Variants in TGFB2 observed in about 807,000 individuals in gnomAD.
TGFB2 encodes transforming growth factor beta 2.
In TGFB2, 13 loss-of-function variants were observed where a neutral mutation model predicts 42.7. The ratio of observed to expected loss-of-function variants is 0.30; its 90% CI spans 0.20 to 0.48. The LOEUF (loss-of-function observed/expected upper bound fraction) is 0.48, where lower values mean the gene tolerates loss of function less well. Among genes scored for constraint, TGFB2 ranks in the 20% least tolerant of loss-of-function variants. The pLI is 0.99. For missense variants in TGFB2, 390 were observed against 517.5 expected (o/e 0.75, Z 2.39); for synonymous variants, 193 against 193.6 (o/e 1.00, Z 0.03).
At chr1:218,423,330 G>A (rs1045898631) in intron 2 of TGFB2, among the ~76,000 whole-genome samples, 2 of 152,106 alleles carry the variant, frequency 1.3e-5, no homozygotes, top group Admixed American at 1.3e-4. Context: ...GGAGGAAATG[G>A]ACATTTCCAC....
chr1:218,415,694 CAAAAGAAA>C (rs1200648865), intron 2 of TGFB2, among the ~76,000 whole-genome samples: 6 of 40,132 alleles, frequency 1.5e-4, no homozygotes, highest in African/African-American at 6.7e-4. Context: ...GACTCTGTCT[CAAAAGAAA>C]AAAAAAAAAA....
chr1:218,427,207 C>CT (rs1369283072), intron 2 of TGFB2, among the ~76,000 whole-genome samples: 1 of 152,060 alleles, frequency 6.6e-6, no homozygotes, highest in African/African-American at 2.4e-5. Context: ...GCCATCACCA[C>CT]TATCCATTTC....
rs1478050015 is a variant in TGFB2 at position 218,434,307 on chromosome 1, C to A, written c.644-31C>A. 3 of 1,611,846 alleles carry A rather than the reference C, an allele frequency of 1.9e-6. No individual in the cohort carries two copies. The South Asian group carries it at 3.3e-5, about 18-fold the overall frequency. Reference sequence around the variant, plus strand: ...AGATTTAAGGGTATAGACACACATACAAATGACCTCCTTGACTTAATGTTT... The same window carrying A: ...AGATTTAAGGGTATAGACACACATAAAAATGACCTCCTTGACTTAATGTTT... On this transcript the variant is annotated intron_variant, in intron 3 of 6. Transcript: ENST00000366930.
intron 1 of TGFB2, among the ~76,000 whole-genome samples, chr1:218,369,461 G>T (rs1285294369): frequency 2.0e-5 from 3 of 152,018 alleles, no homozygotes; most frequent in Admixed American, 6.6e-5. Context: ...GCTACAGTGG[G>T]TTTTGTATTT....
chr1:218,403,153 T>C (rs980487503), intron 1 of TGFB2, among the ~76,000 whole-genome samples: 1 of 152,364 alleles, frequency 6.6e-6, no homozygotes, highest in Admixed American at 6.5e-5. Flanking sequence ...ATCATCACCA[T>C]GTCTGCATGA....
intron 1 of TGFB2, among the ~76,000 whole-genome samples, chr1:218,392,012 G>A (rs1047377798): frequency 1.3e-5 from 2 of 152,172 alleles, no homozygotes; most frequent in Non-Finnish European, 2.9e-5. Flanking sequence ...TTTGCTTACA[G>A]AAGAAAAGAG....
intron 1 of TGFB2, among the ~76,000 whole-genome samples, chr1:218,387,055 C>T (rs1658160641): frequency 6.6e-6 from 1 of 152,108 alleles, no homozygotes; most frequent in Non-Finnish European, 1.5e-5. Context: ...TCTGGAAGAG[C>T]CAGAGACACT....
chr1:218,385,918 A>C (rs1267429606), intron 1 of TGFB2, among the ~76,000 whole-genome samples: 1 of 152,066 alleles, frequency 6.6e-6, no homozygotes, highest in Non-Finnish European at 1.5e-5. Flanking sequence ...CTTTTCCCCC[A>C]AACCAGAATA....
chr1:218,402,971 G>C (rs1017456549), intron 1 of TGFB2, among the ~76,000 whole-genome samples: 2 of 152,184 alleles, frequency 1.3e-5, no homozygotes, highest in African/African-American at 4.8e-5. Context: ...AGGACCAGCT[G>C]TTCCAATCAT....
chr1:218,361,513 G>A (rs141573895), intron 1 of TGFB2, among the ~76,000 whole-genome samples: 2,931 of 152,084 alleles, frequency 0.019, 64 homozygotes, highest in Middle Eastern at 0.031. Context: ...GCACCACGGC[G>A]TACACTGGCC....
chr1:218,349,963 C>T (rs1297518852), intron 1 of TGFB2, among the ~76,000 whole-genome samples: 2 of 152,162 alleles, frequency 1.3e-5, no homozygotes, highest in Admixed American at 1.3e-4. Context: ...GATCTTTTCA[C>T]GTGCTGTTAG....
At chr1:218,414,157 T>C (rs1473932386) in intron 2 of TGFB2, among the ~76,000 whole-genome samples, 1 of 152,126 alleles carries the variant, frequency 6.6e-6, no homozygotes, top group Non-Finnish European at 1.5e-5. Context: ...GGGGTTTTTG[T>C]CATACCAGGG....
At chr1:218,389,972 A>G (rs1658268077) in intron 1 of TGFB2, among the ~76,000 whole-genome samples, 1 of 152,244 alleles carries the variant, frequency 6.6e-6, no homozygotes, top group Admixed American at 6.5e-5. Context: ...GGCTTTGTGT[A>G]AAATTCCCAT....
chr1:218,353,661 C>G (rs911900000), intron 1 of TGFB2, among the ~76,000 whole-genome samples: 6 of 152,204 alleles, frequency 3.9e-5, no homozygotes, highest in African/African-American at 1.2e-4. Flanking sequence ...CTTTAGGAAG[C>G]TGAGGCGGGA....
intron 2 of TGFB2, among the ~76,000 whole-genome samples, chr1:218,415,835 A>G (rs2102606275): frequency 6.6e-6 from 1 of 151,896 alleles, no homozygotes; most frequent in African/African-American, 2.4e-5. Context: ...TTCTTGCCTA[A>G]TGAGTTCCTG....
chr1:218,399,101 C>A (rs1178745929), intron 1 of TGFB2, among the ~76,000 whole-genome samples: 1 of 152,144 alleles, frequency 6.6e-6, no homozygotes, highest in Non-Finnish European at 1.5e-5. Flanking sequence ...GTTGCCCAGG[C>A]TGGTCTCAAA....
intron 1 of TGFB2, among the ~76,000 whole-genome samples, chr1:218,381,428 G>T (rs1022814427): frequency 1.6e-4 from 25 of 151,996 alleles, no homozygotes; most frequent in African/African-American, 6.0e-4. Context: ...GCTAATTTTT[G>T]TATTTTTAGT....
At chr1:218,423,856 A>G (rs1404841646) in intron 2 of TGFB2, among the ~76,000 whole-genome samples, 1 of 152,234 alleles carries the variant, frequency 6.6e-6, no homozygotes, top group African/African-American at 2.4e-5. Context: ...AATTTTCTCG[A>G]CAAACATACA....
intron 1 of TGFB2, among the ~76,000 whole-genome samples, chr1:218,378,551 T>A (rs1033511720): frequency 1.3e-5 from 2 of 152,054 alleles, no homozygotes. Context: ...TGACCTCAAG[T>A]GCTCCTCCCC....
Sources: allele counts gnomAD v4.1 joint callset (sites outside exome capture counted in the v4.1 genomes callset), GRCh38; gene constraint gnomAD v4.1.1; transcripts MANE v1.5; gene names NCBI Gene and HGNC (gene_info 2026-07-23, HGNC 2026-07-21).